The following TNK2 variants were observed in gnomAD, a reference collection of about 807,000 sequenced individuals.
TNK2 encodes tyrosine kinase non receptor 2, also known as activated CDC42 kinase 1.
In TNK2, 83 loss-of-function variants were observed where a neutral mutation model predicts 101.8. That is an observed-to-expected ratio of 0.82 (90% CI 0.68 to 0.98). The LOEUF is 0.98. Among genes scored for constraint, TNK2 ranks in the 50% least tolerant of loss-of-function variants. TNK2 has a pLI of 0.00. For synonymous variants in TNK2, 804 were observed against 633.0 expected (o/e 1.27, Z -4.06); for missense variants, 1,665 against 1,483.2 (o/e 1.12, Z -2.01).
intron 15 of TNK2, among the ~76,000 whole-genome samples, chr3:195,865,267 G>A (rs1218678761): frequency 7.3e-6 from 1 of 136,734 alleles, no homozygotes; most frequent in Non-Finnish European, 1.6e-5. Flanking sequence ...AGGTGACAGC[G>A]AGTGCCTGCG....
chr3:195,894,556 TA>T, intron 1 of TNK2: 1 of 150,200 alleles, frequency 6.7e-6, no homozygotes, highest in East Asian at 1.9e-4. Flanking sequence ...CGTGCCCAGC[TA>T]TTTTTTTTTT....
chr3:195,867,140 G>A, intron 14 of TNK2, 29 bp downstream of exon 14: 1 of 1,610,696 alleles, frequency 6.2e-7, no homozygotes, highest in Non-Finnish European at 8.5e-7. Flanking sequence ...GGGTCCCTGA[G>A]AGCCAGAGTG....
intron 1 of TNK2, among the ~76,000 whole-genome samples, chr3:195,893,198 G>A (rs1325674397): frequency 4.7e-5 from 7 of 150,140 alleles, no homozygotes; most frequent in African/African-American, 1.2e-4. Flanking sequence ...CCCCACCCCC[G>A]AGTCCCAGCC....
At chr3:195,869,982 G>T in intron 11 of TNK2, 132 bp downstream of exon 11, 1 of 713,566 alleles carries the variant, frequency 1.4e-6, no homozygotes, top group Non-Finnish European at 2.3e-6. Flanking sequence ...CAGGGACACA[G>T]CTGTCCCGCC....
At chr3:195,899,836 A>G (rs1466435344) in intron 1 of TNK2, among the ~76,000 whole-genome samples, 6 of 151,780 alleles carry the variant, frequency 4.0e-5, no homozygotes, top group African/African-American at 1.5e-4. Flanking sequence ...GTCTGCTGAG[A>G]AGGACTCAGT....
At position 195,886,992 on chromosome 3, in the gene TNK2, C is replaced by T; in HGVS notation, c.219G>A (p.Lys73=). 6.2e-7 allele frequency: 1 copy of T among 1,614,078 alleles called. No individual in the cohort carries two copies. The highest frequency in any genetic ancestry group is 2.2e-5 in the East Asian group (1 of 44,874). Residue 73 remains lysine (K), a synonymous_variant, in exon 3 of 16, where the codon AAG becomes AAA. Transcript: ENST00000672887. The surrounding 1 kb of genome is among the most constrained non-coding windows in gnomAD (Gnocchi z 4.2). ...VKRRKALCKR[K]SWMSKVFSGK... ...CCTCACCCACCTTACTCATCCACGA[C>T]TTGCGTTTGCACAAGGCCTTCCTCC...
At position 195,868,710 on chromosome 3, in the gene TNK2, C is replaced by A; in HGVS notation, c.1589-1G>T. The stretch of plus-strand genomic sequence containing the variant: ...TCGCTCACAGGGTCATAGGTTGGTT[C>A]TGTGATGGAAAGGGAGAGCCCAACA... On this transcript the variant is annotated splice_acceptor_variant, in intron 12 of 15. Transcript: ENST00000672887. LOFTEE classifies it high-confidence loss of function. 1 of 1,555,918 alleles carries A rather than the reference C, an allele frequency of 6.4e-7. No individual in the cohort carries two copies. Among genetic ancestry groups the A allele is most frequent in the Non-Finnish European group, 8.6e-7 (1 of 1,161,234 alleles).
Position 195,875,730 on chromosome 3 carries a change from C to G in TNK2, c.1256+2523G>C, listed in dbSNP as rs567651520. On this transcript the variant is annotated intron_variant, in intron 9 of 15. Transcript: ENST00000672887. ...GGCCAGGGCTGCTACCCGGCCGTGA[C>G]TGAAGCAGGGGCGGATGAGGACTTC... 1.2e-4 allele frequency among the ~76,000 whole-genome samples: 19 copies of G among 152,298 alleles called. No individual in the cohort carries two copies. The East Asian group carries it at 3.3e-3, about 26-fold the overall frequency.
rs372752964 is a variant in TNK2, at chr3:195,867,046, C to A, written c.3034-30G>T. ...GGGTAAGGGTGGCGCCATGGACACG[C>A]GGGCCCAGGGCACCGACTAGGGTGG... On this transcript the variant is annotated intron_variant, in intron 14 of 15. Coordinates refer to ENST00000672887, the MANE Select transcript of TNK2 (RefSeq NM_001382273.1). 3.1e-6 allele frequency: 5 copies of A among 1,611,890 alleles called. No individual in the cohort carries two copies. In the South Asian group the frequency reaches 5.5e-5, roughly 18 times the overall value.
chr3:195,892,586 CA>C (rs1759021554), intron 1 of TNK2: 2 of 1,464,830 alleles, frequency 1.4e-6, no homozygotes, highest in Admixed American at 4.7e-5. Flanking sequence ...AATCCCACAC[CA>C]GGGGTGGGAA....
intron 2 of TNK2, among the ~76,000 whole-genome samples, chr3:195,887,615 C>A (rs192112485): frequency 7.3e-4 from 111 of 151,732 alleles, no homozygotes; most frequent in Non-Finnish European, 1.2e-3. Context: ...AACTTGAAAG[C>A]CCTAATACGT....
rs1577082274 is a variant in TNK2, at chr3:195,886,865, G to T, written c.234+112C>A. On this transcript the variant is annotated intron_variant, in intron 3 of 15. Coordinates refer to ENST00000672887, the MANE Select transcript of TNK2 (RefSeq NM_001382273.1). This position sits in a 1 kb window ranked among gnomAD's most constrained non-coding sequence, Gnocchi z 4.2. ...GGGGGTCCTGTACAAAGTGCCGGCA[G>T]AACGGCGAGATTCGACCTGCCGGGG... 5.8e-6 allele frequency: 7 copies of T among 1,204,184 alleles called. No homozygotes were observed. The highest frequency in any genetic ancestry group is 1.2e-5 in the South Asian group (1 of 81,744). The allele number at this position is 1,204,184 out of a possible 1,614,324, so 74.6% of individuals were successfully genotyped here.
rs200104049 is a variant in TNK2, at chr3:195,879,084, C to T, written c.979G>A (p.Gly327Ser). 5.0e-6 allele frequency: 8 copies of T among 1,613,784 alleles called. No individual in the cohort carries two copies. The highest frequency in any genetic ancestry group is 1.7e-4 in the Middle Eastern group (1 of 6,060). The stretch of plus-strand genomic sequence containing the variant: ...TTGAGGCCGATCCAGGGCTCCTGGC[C>T]GTAGGTGAACATTTCCCACAGTGTC... ...GVTLWEMFTY[G>S]QEPWIGLNGS... The change falls in exon 7 of 16, where the codon GGC becomes AGC. Residue 327 changes from glycine (G) to serine (S), a missense_variant. By Grantham distance (56) the Gly-to-Ser change is moderately conservative. Transcript: ENST00000672887.
At chr3:195,865,342 G>A (rs1433398804) in intron 15 of TNK2, among the ~76,000 whole-genome samples, 13 of 139,632 alleles carry the variant, frequency 9.3e-5, no homozygotes, top group Non-Finnish European at 1.7e-4. Flanking sequence ...GAGTGCCTGC[G>A]TCCCGGGTGC....
rs766460454 is a variant in TNK2, at chr3:195,867,002, G to A, written c.3048C>T (p.Phe1016=). ...CCCCTCTGGGCCGCAGACCCAGCCC[G>A]AAGAGCTGCTCCACCTGGGGGTAAG... ...AAQYLKVEQL[F]GLGLRPRGEC... Residue 1016 remains phenylalanine, a synonymous_variant, in exon 15 of 16, where the codon TTC becomes TTT. Transcript: ENST00000672887. 1.6e-5 allele frequency: 26 copies of A among 1,613,080 alleles called. No homozygotes were observed. Among genetic ancestry groups the A allele is most frequent in the East Asian group, 4.5e-5 (2 of 44,888 alleles).
rs1755901627 is a variant in TNK2, at chr3:195,886,940, G to A, written c.234+37C>T. On this transcript the variant is annotated intron_variant, in intron 3 of 15. Coordinates refer to ENST00000672887, the MANE Select transcript of TNK2 (RefSeq NM_001382273.1). The surrounding 1 kb of genome is among the most constrained non-coding windows in gnomAD (Gnocchi z 4.2). Reference sequence around the variant, plus strand: ...GAAGCGGAGGGGGGCGTTCGAGGCTGCCCCCCTCCCACCTCCTCACCCACC... The same window carrying A: ...GAAGCGGAGGGGGGCGTTCGAGGCTACCCCCCTCCCACCTCCTCACCCACC... 1 of 1,604,614 alleles carries A rather than the reference G, an allele frequency of 6.2e-7. No homozygotes were observed. The highest frequency in any genetic ancestry group is 8.5e-7 in the Non-Finnish European group (1 of 1,171,542).
chr3:195,901,595 A>C (rs984836900), intron 1 of TNK2, among the ~76,000 whole-genome samples: 9 of 152,112 alleles, frequency 5.9e-5, no homozygotes, highest in Non-Finnish European at 1.3e-4. Flanking sequence ...CATGCACCCC[A>C]CATGCCCACC....
chr3:195,895,595 G>C lies in TNK2; in HGVS notation c.-18-6989C>G, dbSNP rs573997750. 5 of 1,311,596 alleles carry C rather than the reference G, an allele frequency of 3.8e-6. No homozygotes were observed. In the South Asian group the frequency reaches 6.7e-5, roughly 18 times the overall value. 81.2% of individuals were successfully genotyped at this position (1,311,596 alleles called of 1,614,324 possible). On this transcript the variant is annotated intron_variant, in intron 1 of 15. Coordinates refer to ENST00000672887, the MANE Select transcript of TNK2 (RefSeq NM_001382273.1). ...GCTCCCACCCTCTCCCAGTGAGCCA[G>C]CTGTGCCAGCCCCGGGCTGACCCCC...
chr3:195,887,459 A>G (rs1374401412), intron 2 of TNK2, among the ~76,000 whole-genome samples: 2 of 152,194 alleles, frequency 1.3e-5, no homozygotes, highest in Non-Finnish European at 2.9e-5. Flanking sequence ...AGCTATTTTA[A>G]CTAAGTCAGT....
Sources: allele counts gnomAD v4.1 joint callset (sites outside exome capture counted in the v4.1 genomes callset), GRCh38; gene constraint gnomAD v4.1.1; non-coding constraint Gnocchi (gnomAD v3.1); transcripts MANE v1.5; gene names NCBI Gene and HGNC (gene_info 2026-07-23, HGNC 2026-07-21).